Variants in TTN observed in about 807,000 individuals in gnomAD.
TTN encodes the protein connectin.
Under a neutral mutation model 3,223.0 loss-of-function variants are expected in TTN, and 1,525 were observed. The ratio of observed to expected loss-of-function variants is 0.47; its 90% confidence interval spans 0.45 to 0.49. TTN has a LOEUF of 0.49. TTN is among the 20% of genes least tolerant of loss of function. The pLI is 0.00. For synonymous variants in TTN, 14,094 were observed against 15,161.0 expected (o/e 0.93, Z 5.17); for missense variants, 40,786 against 43,424.0 (o/e 0.94, Z 5.40).
At position 178,751,079 on chromosome 2, in the gene TTN, T is replaced by C. The variant is rs759963308; in HGVS notation, c.11311+2045A>G. The stretch of plus-strand genomic sequence containing the variant: ...TTGATCCATTTGATTAGAAAGGGCA[T>C]GTGGATTTTGCACAATACTCTCAGC... On this transcript the variant is annotated intron_variant, in intron 47 of 362. Transcript: ENST00000589042. The C allele has an allele frequency of 1.1e-5, 18 of 1,612,762 alleles. No individual in the cohort carries two copies. In the South Asian group the frequency reaches 1.8e-4, roughly 16 times the overall value.
chr2:178,734,339 T>C lies in TTN; in HGVS notation c.15485A>G (p.His5162Arg), dbSNP rs761387658. 2 of 1,595,410 alleles carry C rather than the reference T, an allele frequency of 1.3e-6. No homozygotes were observed. The highest frequency in any genetic ancestry group is 1.7e-5 in the Admixed American group (1 of 58,408). The change falls in exon 52 of 363, where the codon CAC becomes CGC. Residue 5162 changes from histidine to arginine, a missense_variant. Transcript: ENST00000589042. ...TTTCAAGCACTAACCTTTGAGTAAG[T>C]GGGTTGCCATGCAGCCACACTTGCC... ...EVGKCGCMAT[H>R]LLKEPPTFVK... is the part of the protein sequence containing the mutation.
At chr2:178,579,508 T>C (rs1396217278) in intron 319 of TTN, 53 bp downstream of exon 319, 41 of 1,598,880 alleles carry the variant, frequency 2.6e-5, no homozygotes, top group Non-Finnish European at 3.0e-5. Flanking sequence ...GACACAAGAG[T>C]GCACTTTCGA....
In TTN at chr2:178,591,849, G is replaced by C. The variant is rs757340381; in HGVS notation, c.59970C>G (p.Asp19990Glu). 1.2e-6 allele frequency: 2 copies of C among 1,613,266 alleles called. No homozygotes were observed. The highest frequency in any genetic ancestry group is 3.3e-5 in the Admixed American group (2 of 59,938). Residue 19990 changes from aspartate (D) to glutamate (E), a missense_variant, in exon 303 of 363, where the codon GAC becomes GAG. Physicochemically the swap from Asp to Glu is conservative, Grantham distance 45 (BLOSUM62 2). Transcript: ENST00000589042. ...PPKDLHHVDV[D>E]KTEVSLVWNK... ...TCCAGACTAGGGAGACTTCAGTCTT[G>C]TCAACATCTACATGGTGCAGGTCCT...
rs964218547 is a variant in TTN at position 178,621,215 on chromosome 2, A to G, written c.45503T>C (p.Ile15168Thr). 6 of 1,612,208 alleles carry G rather than the reference A, an allele frequency of 3.7e-6. No homozygotes were observed. In the African/African-American group the frequency reaches 4.0e-5, roughly 11 times the overall value. ...TAGGACCCTCTTTTTACCATCAGCA[A>G]TAACGTCATATTTATCTCCAGATTC... ...TLESGDKYDV[I>T]ADGKKRVLVV... is the part of the protein sequence containing the mutation. Residue 15168 changes from isoleucine to threonine, a missense_variant, in exon 246 of 363, where the codon ATT becomes ACT. Coordinates refer to ENST00000589042, the MANE Select transcript of TTN (RefSeq NM_001267550.2).
In TTN at chr2:178,535,077, C is replaced by T. The variant is rs1690830241; in HGVS notation, c.101538G>A (p.Met33846Ile). 1 of 1,613,828 alleles carries T rather than the reference C, an allele frequency of 6.2e-7. No individual in the cohort carries two copies. Among genetic ancestry groups the T allele is most frequent in the East Asian group, 2.2e-5 (1 of 44,880 alleles). ...TCCCTTTGACTTTAACAAATTTGGC[C>T]ATGTATGTCTTCTTTGAGGATGTTT... is the stretch of plus-strand genomic sequence containing the variant. The part of the protein sequence containing the change: ...CVETSSKKTY[M>I]AKFVKVKGTD... Residue 33846 changes from methionine to isoleucine, a missense_variant, in exon 358 of 363, where the codon ATG becomes ATA. By Grantham distance (10) the Met-to-Ile change is conservative. Transcript: ENST00000589042.
At chr2:178,550,769 G>A in intron 336 of TTN, 198 bp downstream of exon 336, 1 of 595,558 alleles carries the variant, frequency 1.7e-6, no homozygotes, top group Non-Finnish European at 2.9e-6. Context: ...TATGGGAATG[G>A]AGTGAAATAA....
At chr2:178,599,989 T>G in intron 288 of TTN, 139 bp from the exon 289 acceptor site, 1 of 772,858 alleles carries the variant, frequency 1.3e-6, no homozygotes. Flanking sequence ...AATGGTTCTG[T>G]CTTTAACACT....
At position 178,732,126 on chromosome 2, in the gene TTN, T is replaced by A. The variant is rs1392126225; in HGVS notation, c.16843A>T (p.Met5615Leu). 1 of 1,613,748 alleles carries A rather than the reference T, an allele frequency of 6.2e-7. No homozygotes were observed. The highest frequency in any genetic ancestry group is 1.3e-5 in the African/African-American group (1 of 75,040). ...DVGIEDSGEY[M>L]CEAQNEAGSD... is the part of the protein sequence containing the mutation. ...CCAGCCTCATTTTGGGCCTCACACA[T>A]ATATTCACCACTGTCTTCGATGCCA... is the stretch of plus-strand genomic sequence containing the variant. Residue 5615 changes from methionine (M) to leucine (L), a missense_variant, in exon 57 of 363, where the codon ATG becomes TTG. Met to Leu is a conservative substitution (Grantham distance 15). Coordinates refer to ENST00000589042, the MANE Select transcript of TTN (RefSeq NM_001267550.2).
In TTN at chr2:178,738,343, T is replaced by C. The variant is rs775443847; in HGVS notation, c.14110A>G (p.Arg4704Gly). 1 of 1,612,276 alleles carries C rather than the reference T, an allele frequency of 6.2e-7. No individual in the cohort carries two copies. Among genetic ancestry groups the C allele is most frequent in the South Asian group, 1.1e-5 (1 of 90,954 alleles). ...GCTACTTCCAGGGGTTCGATTTTCC[T>C]CTTGATCACTGGGGCAGCTGCAAAG... is the stretch of plus-strand genomic sequence containing the variant. ...VVKRAAPVIK[R>G]KIEPLEVALG... The change falls in exon 49 of 363, where the codon AGG (arginine) becomes GGG (glycine). Residue 4704 changes from arginine to glycine, a missense_variant. Arg to Gly is a moderately radical substitution (Grantham distance 125). Coordinates refer to ENST00000589042, the MANE Select transcript of TTN (RefSeq NM_001267550.2).
rs1460335685 is a variant in TTN at position 178,611,839 on chromosome 2, A to G, written c.50470T>C (p.Phe16824Leu). 7.4e-6 allele frequency: 12 copies of G among 1,612,856 alleles called. No individual in the cohort carries two copies. The highest frequency in any genetic ancestry group is 1.0e-5 in the Non-Finnish European group (12 of 1,179,316). ...TDVIEGTEVQFQVRAENEAGV... is the reference protein window; with the variant it reads ...TDVIEGTEVQLQVRAENEAGV... The stretch of plus-strand genomic sequence containing the variant: ...GCTTCATTTTCAGCCCGAACCTGAA[A>G]CTGGACCTCTGTTCCTTCGATGACA... Residue 16824 changes from phenylalanine (F) to leucine (L), a missense_variant, in exon 268 of 363, where the codon TTT becomes CTT. By Grantham distance (22) the Phe-to-Leu change is conservative. Coordinates refer to ENST00000589042, the MANE Select transcript of TTN (RefSeq NM_001267550.2).
In TTN at chr2:178,621,348, A is replaced by C; in HGVS notation, c.45370T>G (p.Ser15124Ala). 1 of 1,611,394 alleles carries C rather than the reference A, an allele frequency of 6.2e-7. No homozygotes were observed. The highest frequency in any genetic ancestry group is 8.5e-7 in the Non-Finnish European group (1 of 1,178,898). ...KVHELAAEFI[S>A]KPQNLEILEG... ...AGTATTTCAAGGTTTTGAGGCTTTGAGATAAATTCAGCAGCCAGTTCTGGG... is the reference window on the plus strand; with the variant it reads ...AGTATTTCAAGGTTTTGAGGCTTTGCGATAAATTCAGCAGCCAGTTCTGGG... The change falls in exon 246 of 363, where the codon TCA becomes GCA. Residue 15124 changes from serine to alanine, a missense_variant. Transcript: ENST00000589042.
chr2:178,588,106 C>T lies in TTN; in HGVS notation c.63301G>A (p.Val21101Met). ...TCTGCTATTTTTGGTCTCATTTCCA[C>T]AACATATCCAATGATCGGTGCACCA... ...DGGAPIIGYV[V>M]EMRPKIADAS... The change falls in exon 305 of 363, where the codon GTG becomes ATG. Residue 21101 changes from valine (V) to methionine (M), a missense_variant. Val to Met is a conservative substitution (Grantham distance 21). Coordinates refer to ENST00000589042, the MANE Select transcript of TTN (RefSeq NM_001267550.2). 6.2e-7 allele frequency: 1 copy of T among 1,612,958 alleles called. No individual in the cohort carries two copies. Among genetic ancestry groups the T allele is most frequent in the Non-Finnish European group, 8.5e-7 (1 of 1,179,334 alleles).
At chr2:178,650,097 A>T (rs1234586079) in intron 210 of TTN, 67 bp downstream of exon 210, 2 of 1,438,382 alleles carry the variant, frequency 1.4e-6, no homozygotes, top group South Asian at 2.6e-5. Flanking sequence ...TTTTGCCTTA[A>T]GGAAGATATA....
intron 344 of TTN, among the ~76,000 whole-genome samples, chr2:178,544,857 C>T (rs1177560548): frequency 1.3e-5 from 2 of 152,130 alleles, no homozygotes; most frequent in Non-Finnish European, 2.9e-5. Flanking sequence ...TCACTTGCCA[C>T]CAATACATTT....
chr2:178,719,118 T>C, intron 83 of TTN, 46 bp downstream of exon 83: 1 of 1,573,144 alleles, frequency 6.4e-7, no homozygotes, highest in Non-Finnish European at 8.6e-7. Flanking sequence ...CACGTCCACA[T>C]GAAAGAGGTG....
Position 178,728,909 on chromosome 2 carries a change from C to T in TTN, c.19129G>A (p.Ala6377Thr). Residue 6377 changes from alanine to threonine, a missense_variant, in exon 65 of 363, where the codon GCT (alanine) becomes ACT (threonine). Coordinates refer to ENST00000589042, the MANE Select transcript of TTN (RefSeq NM_001267550.2). Reference protein sequence around the residue: ...KNESGVERCYAFLLVQEPAQI... With the variant: ...KNESGVERCYTFLLVQEPAQI... ...TACAAACCTTGTACTAAAAGGAAAG[C>T]ATAACACCTCTCAACTCCTGACTCA... The T allele has an allele frequency of 1.2e-6, 2 of 1,605,414 alleles. No individual in the cohort carries two copies. The highest frequency in any genetic ancestry group is 1.7e-6 in the Non-Finnish European group (2 of 1,175,102).
intron 203 of TTN, 31 bp from the exon 204 acceptor site, chr2:178,652,210 G>A (rs1429064421): frequency 6.2e-7 from 1 of 1,612,532 alleles, no homozygotes; most frequent in South Asian, 1.1e-5. Context: ...TTCATTGTTA[G>A]ACAAAGTAAA....
chr2:178,644,708 G>T, intron 217 of TTN, 92 bp from the exon 218 acceptor site: 1 of 977,014 alleles, frequency 1.0e-6, no homozygotes. Context: ...ACCAAGCTTT[G>T]CTTATAACCA....
rs2154346254 is a variant in TTN, at chr2:178,776,684, G to A, written c.5180C>T (p.Thr1727Ile). The A allele has an allele frequency of 1.9e-6, 3 of 1,614,126 alleles. No individual in the cohort carries two copies. The highest frequency in any genetic ancestry group is 2.2e-5 in the East Asian group (1 of 44,844). The change falls in exon 28 of 363, where the codon ACA (threonine) becomes ATA (isoleucine). Residue 1727 changes from threonine to isoleucine, a missense_variant. Physicochemically the swap from Thr to Ile is moderately conservative, Grantham distance 89. Transcript: ENST00000589042. ...FGPAHFECRL[T>I]PIGDPTMVVE... ...CACCATCGTTGGGTCACCAATGGGT[G>A]TTAGCCTGCATTCAAAGTGGGCAGG...
Sources: gnomAD v4.1 joint callset for allele counts (sites outside exome capture counted in the v4.1 genomes callset) on GRCh38, gnomAD v4.1.1 for gene constraint, MANE v1.5 for transcripts, NCBI Gene and HGNC (gene_info 2026-07-23, HGNC 2026-07-21) for gene names.